Variants in GRID2 observed in about 807,000 individuals in gnomAD.
GRID2 encodes glutamate receptor ionotropic, delta-2.
In GRID2, 33 loss-of-function variants were observed where a neutral mutation model predicts 114.8. The ratio of observed to expected loss-of-function variants is 0.29; its 90% CI spans 0.22 to 0.38. The LOEUF (loss-of-function observed/expected upper bound fraction) is 0.38. Ranked by LOEUF, GRID2 falls within the 10% of genes least tolerant of loss-of-function variation. The pLI is 1.00. For synonymous variants in GRID2, 505 were observed against 449.9 expected (o/e 1.12, Z -1.55); for missense variants, 1,184 against 1,257.7 (o/e 0.94, Z 0.89).
chr4:92,376,095 G>GA (rs1308734564), intron 1 of GRID2, among the ~76,000 whole-genome samples: 1 of 151,688 alleles, frequency 6.6e-6, no homozygotes, highest in East Asian at 1.9e-4. Context: ...GCAAAATGGG[G>GA]AAAAAATTAT....
chr4:93,711,166 TG>T (rs1239666890), intron 14 of GRID2, among the ~76,000 whole-genome samples: 2 of 152,002 alleles, frequency 1.3e-5, no homozygotes, highest in Non-Finnish European at 2.9e-5. Flanking sequence ...CTTTCCCACC[TG>T]GGAATGCACT....
At chr4:93,133,808 C>A (rs1406345365) in intron 4 of GRID2, among the ~76,000 whole-genome samples, 4 of 152,056 alleles carry the variant, frequency 2.6e-5, no homozygotes, top group Non-Finnish European at 5.9e-5. Context: ...AATGCCAAAG[C>A]TTTACCTGTC....
At chr4:93,212,090 A>G (rs1743568633) in intron 5 of GRID2, among the ~76,000 whole-genome samples, 1 of 152,062 alleles carries the variant, frequency 6.6e-6, no homozygotes, top group Non-Finnish European at 1.5e-5. Flanking sequence ...CAATATTGCT[A>G]GGAAGCTACT....
intron 2 of GRID2, among the ~76,000 whole-genome samples, chr4:92,879,073 TATAGA>T (rs574713373): frequency 2.4e-3 from 369 of 152,316 alleles, no homozygotes; most frequent in South Asian, 5.0e-3. Flanking sequence ...GTTAAAAGCA[TATAGA>T]ATTGTATGTA....
At chr4:93,634,800 A>C (rs2149703852) in intron 14 of GRID2, among the ~76,000 whole-genome samples, 1 of 152,270 alleles carries the variant, frequency 6.6e-6, no homozygotes, top group African/African-American at 2.4e-5. Flanking sequence ...AAAAAAGATA[A>C]GTTTGGAGAA....
intron 3 of GRID2, among the ~76,000 whole-genome samples, chr4:93,095,430 C>T (rs1274407771): frequency 6.6e-6 from 1 of 151,968 alleles, no homozygotes; most frequent in South Asian, 2.1e-4. Flanking sequence ...ATATCCTCCA[C>T]ACACAAAAAA....
chr4:92,589,516 T>C (rs545609261), intron 1 of GRID2, among the ~76,000 whole-genome samples: 3 of 152,356 alleles, frequency 2.0e-5, no homozygotes, highest in Middle Eastern at 6.8e-3. Flanking sequence ...TAAAAAATGC[T>C]ATAATTATCC....
At chr4:92,875,176 TC>T (rs200636605) in intron 2 of GRID2, among the ~76,000 whole-genome samples, 55 of 115,844 alleles carry the variant, frequency 4.7e-4, no homozygotes, top group African/African-American at 1.6e-3. Context: ...TTTTTTTTTT[TC>T]CCGAGACGGA....
intron 2 of GRID2, among the ~76,000 whole-genome samples, chr4:92,666,690 C>T (rs1290916867): frequency 1.0e-5 from 1 of 96,810 alleles, no homozygotes; most frequent in South Asian, 3.4e-4. Flanking sequence ...TCTGAGCCTG[C>T]ATTTCTCCCT....
intron 2 of GRID2, among the ~76,000 whole-genome samples, chr4:92,634,261 T>G (rs1311273307): frequency 6.6e-6 from 1 of 152,158 alleles, no homozygotes; most frequent in Non-Finnish European, 1.5e-5. Context: ...TATGTCTTAT[T>G]TATTCTCTAC....
At chr4:93,547,181 A>G (rs993009607) in intron 13 of GRID2, among the ~76,000 whole-genome samples, 5 of 152,212 alleles carry the variant, frequency 3.3e-5, no homozygotes, top group African/African-American at 1.2e-4. Context: ...TCTCAACAGT[A>G]AATAAAACTC....
At chr4:92,757,857 A>G (rs1430369999) in intron 2 of GRID2, among the ~76,000 whole-genome samples, 1 of 151,654 alleles carries the variant, frequency 6.6e-6, no homozygotes, top group Admixed American at 6.6e-5. Flanking sequence ...TAAAAAAAAA[A>G]AAGGTTTATA....
exon 2 of GRID2, chr4:93,807,926 C>T (rs572427921): frequency 6.6e-5 from 10 of 152,164 alleles, no homozygotes; most frequent in Admixed American, 5.9e-4. Context: ...AGTGCTAGAA[C>T]AGGCTAACAA....
chr4:92,659,756 C>G (rs1732431028), intron 2 of GRID2, among the ~76,000 whole-genome samples: 2 of 151,380 alleles, frequency 1.3e-5, no homozygotes, highest in Non-Finnish European at 3.0e-5. Flanking sequence ...ATCCAATGCT[C>G]TCTGGTACCC....
chr4:92,456,024 G>A (rs566111371), intron 1 of GRID2, among the ~76,000 whole-genome samples: 2 of 152,150 alleles, frequency 1.3e-5, no homozygotes, highest in African/African-American at 2.4e-5. Context: ...GTTGGTGGAC[G>A]ATATGTCAAA....
chr4:93,611,861 G>C (rs1314947895), intron 13 of GRID2, among the ~76,000 whole-genome samples: 4 of 151,724 alleles, frequency 2.6e-5, no homozygotes, highest in African/African-American at 7.3e-5. Flanking sequence ...TTCAATTCCT[G>C]GGTATCCTTG....
At chr4:93,034,328 G>T (rs1724714297) in intron 2 of GRID2, among the ~76,000 whole-genome samples, 1 of 152,172 alleles carries the variant, frequency 6.6e-6, no homozygotes, top group African/African-American at 2.4e-5. Context: ...TTGTTACAGA[G>T]TTGTTTGTAC....
intron 14 of GRID2, among the ~76,000 whole-genome samples, chr4:93,659,060 G>A (rs1453944662): frequency 6.6e-6 from 1 of 152,032 alleles, no homozygotes; most frequent in African/African-American, 2.4e-5. Flanking sequence ...CCTGTCACCA[G>A]GAAGACAGTC....
At chr4:92,979,460 G>A (rs1754061639) in intron 2 of GRID2, among the ~76,000 whole-genome samples, 1 of 151,972 alleles carries the variant, frequency 6.6e-6, no homozygotes, top group Admixed American at 6.6e-5. Context: ...TAAAATCTCA[G>A]GTCGTTTTTC....
Sources: gnomAD v4.1 joint callset for allele counts (sites outside exome capture counted in the v4.1 genomes callset) on GRCh38, gnomAD v4.1.1 for gene constraint, MANE v1.5 for transcripts, NCBI Gene and HGNC (gene_info 2026-07-23, HGNC 2026-07-21) for gene names.